AGO4: variants seen among roughly 807,000 people sequenced by gnomAD.
AGO4 encodes argonaute RISC component 4.
AGO4 carries 33 observed loss-of-function variants against 104.7 expected under a neutral mutation model. The ratio of observed to expected loss-of-function variants is 0.32; its 90% CI spans 0.24 to 0.42. The LOEUF is 0.42. AGO4 is among the 10% of genes least tolerant of loss of function. The probability of loss-of-function intolerance (pLI) is 1.00; values close to 1 mark genes in which losing one functional copy is unlikely to be tolerated. For missense variants in AGO4, 711 were observed against 1,083.4 expected (o/e 0.66, Z 4.83); for synonymous variants, 331 against 364.7 (o/e 0.91, Z 1.05).
intron 16 of AGO4, 125 bp downstream of exon 16, chr1:35,850,383 T>G: frequency 1.3e-6 from 1 of 791,368 alleles, no homozygotes; most frequent in East Asian, 2.6e-5. Context: ...ATCCTAGAAT[T>G]ATCTTTTGGT....
At chr1:35,819,147 A>G (rs1358016180) in intron 2 of AGO4, among the ~76,000 whole-genome samples, 1 of 152,202 alleles carries the variant, frequency 6.6e-6, no homozygotes. Flanking sequence ...GAAAGAAATT[A>G]GTCATGATCA....
chr1:35,836,109 C>A, intron 13 of AGO4, 116 bp downstream of exon 13: 1 of 1,078,622 alleles, frequency 9.3e-7, no homozygotes, highest in Admixed American at 2.6e-5. Context: ...TATATATATG[C>A]ACCCATATAC....
intron 2 of AGO4, among the ~76,000 whole-genome samples, chr1:35,821,291 A>G (rs768600006): frequency 8.5e-5 from 13 of 152,256 alleles, no homozygotes; most frequent in Non-Finnish European, 1.8e-4. Flanking sequence ...CTCTCCATCA[A>G]TTTTTTTCAG....
intron 8 of AGO4, 31 bp from the exon 9 acceptor site, chr1:35,831,781 C>T (rs748501734): frequency 1.2e-6 from 2 of 1,613,266 alleles, no homozygotes; most frequent in Non-Finnish European, 1.7e-6. Context: ...GAACCCTTTA[C>T]ACAAACCAAT....
chr1:35,813,291 C>A (rs1015342764), intron 1 of AGO4, among the ~76,000 whole-genome samples: 5 of 151,940 alleles, frequency 3.3e-5, no homozygotes, highest in Non-Finnish European at 7.4e-5. Flanking sequence ...CGCCTGTAGT[C>A]CCAGCTGCTG....
intron 1 of AGO4, among the ~76,000 whole-genome samples, chr1:35,813,369 A>G (rs984184359): frequency 6.6e-6 from 1 of 151,846 alleles, no homozygotes; most frequent in East Asian, 1.9e-4. Context: ...AGATTGTGCC[A>G]CTGCACTCCA....
intron 1 of AGO4, among the ~76,000 whole-genome samples, chr1:35,809,373 T>C (rs1250765085): frequency 6.6e-6 from 1 of 152,182 alleles, no homozygotes; most frequent in African/African-American, 2.4e-5. Context: ...ACTTTAATAT[T>C]CAAACTTTAC....
rs773141134 is a variant in AGO4 at position 35,841,508 on chromosome 1, G to A, written c.2040+28G>A. ...ACTCTCATTATCCCTGTTGCCCTTC[G>A]GGGCCCCTAGGAGTCTGAGGGAGAT... is the stretch of plus-strand genomic sequence containing the variant. On this transcript the variant is annotated intron_variant, in intron 14 of 17. Coordinates refer to ENST00000373210, the MANE Select transcript of AGO4 (RefSeq NM_017629.4). This position sits in a 1 kb window ranked among gnomAD's most constrained non-coding sequence, Gnocchi z 4.7. The A allele has an allele frequency of 1.6e-5, 25 of 1,608,474 alleles. No homozygotes were observed. In the East Asian group the frequency reaches 2.9e-4, roughly 19 times the overall value.
At chr1:35,827,337 T>A (rs912452005) in intron 7 of AGO4, among the ~76,000 whole-genome samples, 15 of 152,140 alleles carry the variant, frequency 9.9e-5, no homozygotes, top group African/African-American at 3.6e-4. Flanking sequence ...CTGGCCAACA[T>A]AGTGAAACCC....
At position 35,819,874 on chromosome 1, in the gene AGO4, C is replaced by T. The variant is rs950629370; in HGVS notation, c.185+2827C>T. 2.7e-5 allele frequency among the ~76,000 whole-genome samples: 4 copies of T among 149,276 alleles called. No individual in the cohort carries two copies. In the East Asian group the frequency reaches 7.9e-4, roughly 30 times the overall value. ...GGAACAGTTCGAGGCTGGAGACAAA[C>T]ATTTGAGAATCATGAGCTTATTGAT... On this transcript the variant is annotated intron_variant, in intron 2 of 17. Transcript: ENST00000373210.
chr1:35,823,015 T>C (rs1210907652), intron 3 of AGO4, 33 bp downstream of exon 3: 2 of 1,603,366 alleles, frequency 1.2e-6, no homozygotes, highest in African/African-American at 1.3e-5. Flanking sequence ...ACTTAGTTCA[T>C]TTAGTAGTAA....
Position 35,808,971 on chromosome 1 carries a change from C to A in AGO4, c.19+536C>A, listed in dbSNP as rs966022984. ...GAAGGTCAAGGGACAAAATGCCCAC[C>A]CTTTCTGAAAGGCCCTGATGTCCCA... On this transcript the variant is annotated intron_variant, in intron 1 of 17. Coordinates refer to ENST00000373210, the MANE Select transcript of AGO4 (RefSeq NM_017629.4). The surrounding 1 kb of genome is among the most constrained non-coding windows in gnomAD (Gnocchi z 5.2). Among the ~76,000 whole-genome samples the A allele has an allele frequency of 1.1e-4, 17 of 152,174 alleles. No homozygotes were observed. Among genetic ancestry groups the A allele is most frequent in the Non-Finnish European group, 1.8e-4 (12 of 68,036 alleles).
rs146163627 is a variant in AGO4 at position 35,850,131 on chromosome 1, T to G, written c.2176-26T>G. 3.4e-5 allele frequency: 52 copies of G among 1,524,700 alleles called. No individual in the cohort carries two copies. In the African/African-American group the frequency reaches 6.8e-4, roughly 20 times the overall value. 94.4% of individuals were successfully genotyped at this position (1,524,700 alleles called of 1,614,324 possible). ...GACCACAGTTTGGCACTTTGATGAC[T>G]AATTACTTTTTTTTGTTTTTTGTAG... On this transcript the variant is annotated intron_variant, in intron 15 of 17. Coordinates refer to ENST00000373210, the MANE Select transcript of AGO4 (RefSeq NM_017629.4).
chr1:35,843,139 A>G (rs1644488425), intron 15 of AGO4, among the ~76,000 whole-genome samples: 1 of 152,094 alleles, frequency 6.6e-6, no homozygotes, highest in Non-Finnish European at 1.5e-5. Flanking sequence ...ATCTTGGCTC[A>G]CTGCAACCTC....
At chr1:35,833,461 T>C (rs1557567152) in intron 11 of AGO4, among the ~76,000 whole-genome samples, 1 of 152,166 alleles carries the variant, frequency 6.6e-6, no homozygotes, top group East Asian at 1.9e-4. Context: ...AAAGTGAATT[T>C]TGCTTTTTTT....
At chr1:35,817,387 G>A (rs1001540323) in intron 2 of AGO4, among the ~76,000 whole-genome samples, 5 of 151,216 alleles carry the variant, frequency 3.3e-5, no homozygotes, top group Non-Finnish European at 7.4e-5. Flanking sequence ...ATTATTATAT[G>A]TTGGTTTTGG....
chr1:35,822,851 T>C lies in AGO4; in HGVS notation c.186-11T>C, dbSNP rs1557555924. The C allele has an allele frequency of 6.2e-7, 1 of 1,613,760 alleles. No homozygotes were observed. Among genetic ancestry groups the C allele is most frequent in the South Asian group, 1.1e-5 (1 of 91,072 alleles). On this transcript the variant is annotated splice_polypyrimidine_tract_variant and intron_variant, in intron 2 of 17. Coordinates refer to ENST00000373210, the MANE Select transcript of AGO4 (RefSeq NM_017629.4). Reference sequence around the variant, plus strand: ...TGAAAGCTAACTGCCATTATCTCCATTACTGTGAAGGGAGGTAGTAGATAC... The same window carrying C: ...TGAAAGCTAACTGCCATTATCTCCACTACTGTGAAGGGAGGTAGTAGATAC...
Position 35,808,647 on chromosome 1 carries a change from CA to C in AGO4, c.19+213del, listed in dbSNP as rs751875267. On this transcript the variant is annotated intron_variant, in intron 1 of 17. Coordinates refer to ENST00000373210, the MANE Select transcript of AGO4 (RefSeq NM_017629.4). This position sits in a 1 kb window ranked among gnomAD's most constrained non-coding sequence, Gnocchi z 5.2. ...CGGCCGTTGGGTGGATCCCGAGGTC[CA>C]GGGGGGAGGTTCGGGAAGGTGACCG... Among the ~76,000 whole-genome samples, 1 of 152,078 alleles carries C rather than the reference CA, an allele frequency of 6.6e-6. No homozygotes were observed. The highest frequency in any genetic ancestry group is 1.5e-5 in the Non-Finnish European group (1 of 67,990).
At chr1:35,850,092 GA>G in intron 15 of AGO4, 64 bp from the exon 16 acceptor site, 4 of 1,132,900 alleles carry the variant, frequency 3.5e-6, no homozygotes, top group Non-Finnish European at 3.8e-6. Flanking sequence ...ACACACAAAA[GA>G]AAAAAATGGC....
Sources: gnomAD v4.1 joint callset for allele counts (sites outside exome capture counted in the v4.1 genomes callset) on GRCh38, gnomAD v4.1.1 for gene constraint, Gnocchi (gnomAD v3.1) non-coding constraint, MANE v1.5 for transcripts, NCBI Gene and HGNC (gene_info 2026-07-23, HGNC 2026-07-21) for gene names.